Variants in ST6GALNAC3 observed in about 807,000 individuals in gnomAD.
The protein encoded by ST6GALNAC3 is ST6 N-acetylgalactosaminide alpha-2,6-sialyltransferase 3.
A neutral mutation model predicts 32.7 loss-of-function variants in ST6GALNAC3; 25 were observed. The observed-to-expected ratio is 0.76, with a 90% CI of 0.56 to 1.07. The LOEUF (loss-of-function observed/expected upper bound fraction) is 1.07, where lower values mean the gene tolerates loss of function less well. Among genes scored for constraint, ST6GALNAC3 ranks in the 50% least tolerant of loss-of-function variants. The pLI is 0.00. For synonymous variants in ST6GALNAC3, 129 were observed against 133.1 expected (o/e 0.97, Z 0.21); for missense variants, 355 against 382.4 (o/e 0.93, Z 0.60).
chr1:76,079,807 C>A (rs1050510911), intron 1 of ST6GALNAC3, among the ~76,000 whole-genome samples: 1 of 152,136 alleles, frequency 6.6e-6, no homozygotes. Flanking sequence ...CCCTTACTTT[C>A]CATCCTTACT....
chr1:76,132,046 C>T (rs1319179695), intron 1 of ST6GALNAC3, among the ~76,000 whole-genome samples: 1 of 152,172 alleles, frequency 6.6e-6, no homozygotes, highest in African/African-American at 2.4e-5. Flanking sequence ...TCCACTCCTC[C>T]CTTGTGGGGG....
At chr1:76,233,072 G>T (rs1196757145) in intron 1 of ST6GALNAC3, among the ~76,000 whole-genome samples, 3 of 152,186 alleles carry the variant, frequency 2.0e-5, no homozygotes, top group Admixed American at 6.5e-5. Flanking sequence ...GACTGGAAGA[G>T]AATCTATTAA....
chr1:76,348,744 GCC>G (rs1648723782), intron 2 of ST6GALNAC3, among the ~76,000 whole-genome samples: 1 of 151,884 alleles, frequency 6.6e-6, no homozygotes, highest in South Asian at 2.1e-4. Context: ...ATGCATGCAT[GCC>G]TATATATATA....
chr1:76,109,241 G>C (rs1342627585), intron 1 of ST6GALNAC3, among the ~76,000 whole-genome samples: 1 of 152,088 alleles, frequency 6.6e-6, no homozygotes, highest in Non-Finnish European at 1.5e-5. Flanking sequence ...AAAATTTTTT[G>C]CTGACTTTTC....
chr1:76,159,690 T>A (rs1203917793), intron 1 of ST6GALNAC3, among the ~76,000 whole-genome samples: 1 of 152,222 alleles, frequency 6.6e-6, no homozygotes, highest in Non-Finnish European at 1.5e-5. Flanking sequence ...GCTTGTAATA[T>A]GTTGGAGAAA....
At chr1:76,554,769 G>C (rs896721530) in intron 3 of ST6GALNAC3, among the ~76,000 whole-genome samples, 1 of 152,152 alleles carries the variant, frequency 6.6e-6, no homozygotes, top group Admixed American at 6.6e-5. Flanking sequence ...TCCCTGGGCT[G>C]CTGAGGACTA....
intron 2 of ST6GALNAC3, among the ~76,000 whole-genome samples, chr1:76,326,826 G>GTTTTTTTTTTTTTT (rs11331532): frequency 8.8e-6 from 1 of 113,404 alleles, no homozygotes; most frequent in Admixed American, 9.8e-5. Flanking sequence ...GAAGTTTTGG[G>GTTTTTTTTTTTTTT]TTTTTTTTTT....
chr1:76,439,949 G>T (rs1347419877), intron 3 of ST6GALNAC3, among the ~76,000 whole-genome samples: 1 of 152,236 alleles, frequency 6.6e-6, no homozygotes, highest in African/African-American at 2.4e-5. Flanking sequence ...TCATAGGATT[G>T]TAGTAAAGAT....
chr1:76,402,042 T>TTC (rs1041608123), intron 2 of ST6GALNAC3, among the ~76,000 whole-genome samples: 2 of 152,012 alleles, frequency 1.3e-5, no homozygotes, highest in Non-Finnish European at 2.9e-5. Context: ...ATTTATATTT[T>TTC]TTTTTGCAGC....
intron 3 of ST6GALNAC3, among the ~76,000 whole-genome samples, chr1:76,578,675 T>G (rs1487055432): frequency 6.6e-6 from 1 of 152,066 alleles, no homozygotes; most frequent in African/African-American, 2.4e-5. Flanking sequence ...AGAATTCCCT[T>G]AATCTTTTAG....
chr1:76,393,074 A>G (rs1652687972), intron 2 of ST6GALNAC3, among the ~76,000 whole-genome samples: 2 of 152,206 alleles, frequency 1.3e-5, no homozygotes, highest in African/African-American at 4.8e-5. Flanking sequence ...AAGAACTACA[A>G]ATAACGCTTT....
At chr1:76,128,296 C>T (rs989743548) in intron 1 of ST6GALNAC3, among the ~76,000 whole-genome samples, 5 of 152,354 alleles carry the variant, frequency 3.3e-5, no homozygotes, top group South Asian at 4.1e-4. Context: ...AAGTGGAAGA[C>T]TGTACCCAGG....
chr1:76,531,704 A>G (rs1663268618), intron 3 of ST6GALNAC3, among the ~76,000 whole-genome samples: 1 of 152,190 alleles, frequency 6.6e-6, no homozygotes, highest in African/African-American at 2.4e-5. Context: ...AAGTTCATGT[A>G]ATTGATAAAA....
chr1:76,337,420 T>A (rs952700297), intron 2 of ST6GALNAC3, among the ~76,000 whole-genome samples: 8 of 152,174 alleles, frequency 5.3e-5, no homozygotes, highest in Non-Finnish European at 7.3e-5. Context: ...GGGCTTGGAA[T>A]CCAGGGTAAC....
At position 76,444,038 on chromosome 1, in the gene ST6GALNAC3, A is replaced by G. The variant is rs796748024; in HGVS notation, c.623+31621A>G. Among the ~76,000 whole-genome samples the G allele has an allele frequency of 5.9e-5, 9 of 152,380 alleles. 1 individual carries two copies. The highest frequency in any genetic ancestry group is 2.2e-4 in the African/African-American group (9 of 41,596). ...CTGGAATTGACCTCTTACTTCTCAC[A>G]GAATTAGAAGTCAAGAAGTTGGCAC... is the stretch of plus-strand genomic sequence containing the variant. On this transcript the variant is annotated intron_variant, in intron 3 of 4. Coordinates refer to ENST00000328299, the MANE Select transcript of ST6GALNAC3 (RefSeq NM_152996.4).
At chr1:76,091,904 A>G (rs1229722787) in intron 1 of ST6GALNAC3, among the ~76,000 whole-genome samples, 1 of 152,184 alleles carries the variant, frequency 6.6e-6, no homozygotes, top group African/African-American at 2.4e-5. Context: ...TCATGACTGT[A>G]TGTATATGTC....
At chr1:76,218,867 T>C (rs1655617362) in intron 1 of ST6GALNAC3, among the ~76,000 whole-genome samples, 1 of 152,222 alleles carries the variant, frequency 6.6e-6, no homozygotes, top group South Asian at 2.1e-4. Flanking sequence ...ATTTGTAGTA[T>C]AGACAATAAT....
intron 3 of ST6GALNAC3, among the ~76,000 whole-genome samples, chr1:76,502,808 C>G (rs1661254302): frequency 6.6e-6 from 1 of 152,182 alleles, no homozygotes; most frequent in Non-Finnish European, 1.5e-5. Flanking sequence ...CCCAAGACCA[C>G]AGTAGCTCCA....
chr1:76,549,193 T>C (rs915173160), intron 3 of ST6GALNAC3, among the ~76,000 whole-genome samples: 3 of 152,170 alleles, frequency 2.0e-5, no homozygotes, highest in African/African-American at 7.2e-5. Context: ...ATTTACAGAT[T>C]TTGCCATAGG....
Sources: gnomAD v4.1 joint callset for allele counts (sites outside exome capture counted in the v4.1 genomes callset) on GRCh38, gnomAD v4.1.1 for gene constraint, MANE v1.5 for transcripts, NCBI Gene and HGNC (gene_info 2026-07-23, HGNC 2026-07-21) for gene names.